Variants in NEURL1B observed in about 807,000 individuals in gnomAD.
NEURL1B encodes the protein neuralized E3 ubiquitin protein ligase 1B.
A neutral mutation model predicts 37.4 loss-of-function variants in NEURL1B; 13 were observed. The ratio of observed to expected loss-of-function variants is 0.35; its 90% CI spans 0.23 to 0.55. NEURL1B has a LOEUF of 0.55. Ranked by LOEUF, NEURL1B falls within the 20% of genes least tolerant of loss-of-function variation. The pLI is 0.89. For synonymous variants in NEURL1B, 432 were observed against 426.6 expected (o/e 1.01, Z -0.16); for missense variants, 790 against 879.2 (o/e 0.90, Z 1.28).
chr5:172,645,246 AGAGT>A (rs1177452532), intron 1 of NEURL1B, among the ~76,000 whole-genome samples: 2 of 152,206 alleles, frequency 1.3e-5, no homozygotes, highest in Non-Finnish European at 2.9e-5. Flanking sequence ...TCAAGGACAC[AGAGT>A]AAGGGGAGAA....
At position 172,670,657 on chromosome 5, in the gene NEURL1B, A is replaced by G. The variant is rs147579024; in HGVS notation, c.577+327A>G. On this transcript the variant is annotated intron_variant, in intron 2 of 4. Coordinates refer to ENST00000369800, the MANE Select transcript of NEURL1B (RefSeq NM_001142651.3). ...AGTTTATTTGCTCATTCATTCATTC[A>G]TTCATTCGCTCACTCATTCCTTCAC... 1.7e-4 allele frequency among the ~76,000 whole-genome samples: 26 copies of G among 152,224 alleles called. No homozygotes were observed. In the East Asian group the frequency reaches 4.4e-3, roughly 26 times the overall value.
At chr5:172,671,565 T>C (rs955827961) in intron 2 of NEURL1B, among the ~76,000 whole-genome samples, 3 of 152,254 alleles carry the variant, frequency 2.0e-5, no homozygotes, top group Non-Finnish European at 2.9e-5. Flanking sequence ...TATTTATCCA[T>C]TGGTATCTGG....
intron 1 of NEURL1B, among the ~76,000 whole-genome samples, chr5:172,662,825 C>T (rs1057169142): frequency 5.3e-5 from 8 of 151,878 alleles, no homozygotes; most frequent in Non-Finnish European, 7.4e-5. Context: ...CATCACCCAC[C>T]CTCCAAATCT....
Position 172,688,345 on chromosome 5 carries a change from C to T in NEURL1B, c.*1420C>T, listed in dbSNP as rs145956743. 2.6e-5 allele frequency: 4 copies of T among 152,850 alleles called. No individual in the cohort carries two copies. The highest frequency in any genetic ancestry group is 5.9e-5 in the Non-Finnish European group (4 of 68,092). 9.5% of individuals were successfully genotyped at this position (152,850 alleles called of 1,614,324 possible). On this transcript the variant is annotated 3_prime_UTR_variant, in exon 5 of 5. Coordinates refer to ENST00000369800, the MANE Select transcript of NEURL1B (RefSeq NM_001142651.3). The surrounding 1 kb of genome is among the most constrained non-coding windows in gnomAD (Gnocchi z 4.3). ...GGAGTTCTTGGGAGGACCAGTACAA[C>T]GTTCTAAAAAGCCTGAGACGCCTTA...
At position 172,683,799 on chromosome 5, in the gene NEURL1B, G is replaced by C. The variant is rs1291167635; in HGVS notation, c.958G>C (p.Gly320Arg). 18 of 1,304,012 alleles carry C rather than the reference G, an allele frequency of 1.4e-5. No individual in the cohort carries two copies. Among genetic ancestry groups the C allele is most frequent in the Non-Finnish European group, 1.7e-5 (17 of 1,023,212 alleles). 80.8% of individuals were successfully genotyped at this position (1,304,012 alleles called of 1,614,324 possible). A position where few individuals can be genotyped will look rare whatever the true frequency, so the allele number is the denominator to read the frequency against. ...LVFSERPLRPGESLFVEVGRP... is the reference protein window; with the variant it reads ...LVFSERPLRPRESLFVEVGRP... ...CTTCTCCGAGCGCCCGCTGCGGCCC[G>C]GCGAGAGCCTCTTCGTGGAGGTGGG... Residue 320 changes from glycine to arginine, a missense_variant, in exon 3 of 5, where the codon GGC becomes CGC. Gly to Arg is a moderately radical substitution (Grantham distance 125, BLOSUM62 -2). Coordinates refer to ENST00000369800, the MANE Select transcript of NEURL1B (RefSeq NM_001142651.3). This position sits in a 1 kb window ranked among gnomAD's most constrained non-coding sequence, Gnocchi z 5.6.
intron 1 of NEURL1B, among the ~76,000 whole-genome samples, chr5:172,659,942 C>A (rs747362399): frequency 2.4e-4 from 36 of 152,238 alleles, no homozygotes; most frequent in Non-Finnish European, 3.1e-4. Flanking sequence ...TCCCTGGCCA[C>A]CACCCTGTGC....
chr5:172,676,462 G>A lies in NEURL1B; in HGVS notation c.577+6132G>A, dbSNP rs867145341. 1.2e-4 allele frequency among the ~76,000 whole-genome samples: 19 copies of A among 152,208 alleles called. No homozygotes were observed. The highest frequency in any genetic ancestry group is 4.3e-4 in the African/African-American group (18 of 41,450). ...ATGTAGCCTCATGGATCTGGCCTGG[G>A]TCACATGCCTATCCTTGAACCCATC... On this transcript the variant is annotated intron_variant, in intron 2 of 4. Coordinates refer to ENST00000369800, the MANE Select transcript of NEURL1B (RefSeq NM_001142651.3). This position sits in a 1 kb window ranked among gnomAD's most constrained non-coding sequence, Gnocchi z 4.5.
intron 1 of NEURL1B, among the ~76,000 whole-genome samples, chr5:172,659,174 C>T (rs184035101): frequency 1.6e-3 from 236 of 152,210 alleles, no homozygotes; most frequent in African/African-American, 4.9e-3. Flanking sequence ...ACCTTGGGAC[C>T]AGCAAACATT....
chr5:172,680,326 T>A (rs1232984314), intron 2 of NEURL1B, among the ~76,000 whole-genome samples: 2 of 151,990 alleles, frequency 1.3e-5, no homozygotes, highest in African/African-American at 2.4e-5. Context: ...TGAATCTAAG[T>A]CCGCCTGTCT....
rs1325070485 is a variant in NEURL1B at position 172,676,504 on chromosome 5, T to C, written c.577+6174T>C. ...GAACCCATCTCCATGGCCAGGGGCA[T>C]AGGATGAAGTGATTGGCCAGGTTAA... On this transcript the variant is annotated intron_variant, in intron 2 of 4. Transcript: ENST00000369800. The surrounding 1 kb of genome is among the most constrained non-coding windows in gnomAD (Gnocchi z 4.5). 6.6e-6 allele frequency among the ~76,000 whole-genome samples: 1 copy of C among 152,166 alleles called. No individual in the cohort carries two copies. Among genetic ancestry groups the C allele is most frequent in the Non-Finnish European group, 1.5e-5 (1 of 68,034 alleles).
intron 1 of NEURL1B, among the ~76,000 whole-genome samples, chr5:172,658,998 C>T (rs1757844142): frequency 1.3e-5 from 2 of 150,172 alleles, no homozygotes; most frequent in Non-Finnish European, 3.0e-5. Context: ...GAGCTCAAAA[C>T]AAGCTGATTG....
chr5:172,648,637 G>A (rs1034604243), intron 1 of NEURL1B, among the ~76,000 whole-genome samples: 1 of 152,232 alleles, frequency 6.6e-6, no homozygotes, highest in African/African-American at 2.4e-5. Flanking sequence ...GGGTCAGGGT[G>A]GAGGGTTCCC....
chr5:172,656,348 A>AT (rs139451706), intron 1 of NEURL1B, among the ~76,000 whole-genome samples: 2,157 of 152,222 alleles, frequency 0.014, 47 homozygotes, highest in African/African-American at 0.049. Context: ...AGTTAAGTTT[A>AT]TTTTTTATTT....
intron 2 of NEURL1B, among the ~76,000 whole-genome samples, 161 bp downstream of exon 2, chr5:172,670,491 C>A (rs1364548481): frequency 6.6e-6 from 1 of 152,248 alleles, no homozygotes; most frequent in Non-Finnish European, 1.5e-5. Flanking sequence ...TCACAACAAC[C>A]TACCCTCCGG....
Position 172,683,406 on chromosome 5 carries a change from T to C in NEURL1B, c.578-13T>C. On this transcript the variant is annotated splice_polypyrimidine_tract_variant and intron_variant, in intron 2 of 4. Transcript: ENST00000369800. The surrounding 1 kb of genome is among the most constrained non-coding windows in gnomAD (Gnocchi z 5.6). The stretch of plus-strand genomic sequence containing the variant: ...GCCTCTCCCCCTCCATGTCCCTCCC[T>C]TTGTCCGCACAGAGAGCGCCTTCGC... 2 of 1,325,710 alleles carry C rather than the reference T, an allele frequency of 1.5e-6. No individual in the cohort carries two copies. Among genetic ancestry groups the C allele is most frequent in the Non-Finnish European group, 1.9e-6 (2 of 1,031,480 alleles). 82.1% of individuals were successfully genotyped at this position (1,325,710 alleles called of 1,614,324 possible).
Position 172,683,650 on chromosome 5 carries a change from C to T in NEURL1B, c.809C>T (p.Ala270Val). 8.0e-7 allele frequency: 1 copy of T among 1,254,438 alleles called. No individual in the cohort carries two copies. Among genetic ancestry groups the T allele is most frequent in the Non-Finnish European group, 1.0e-6 (1 of 991,600 alleles). The allele number at this position is 1,254,438 out of a possible 1,614,324, so 77.7% of individuals were successfully genotyped here. A position where few individuals can be genotyped will look rare whatever the true frequency, so the allele number is the denominator to read the frequency against. Residue 270 changes from alanine to valine, a missense_variant, in exon 3 of 5, where the codon GCG becomes GTG. Around this residue, in one of 3 missense-constraint regions of NEURL1B, gnomAD observed 460 missense variants for 407.4 expected, o/e 1.13. Coordinates refer to ENST00000369800, the MANE Select transcript of NEURL1B (RefSeq NM_001142651.3). The surrounding 1 kb of genome is among the most constrained non-coding windows in gnomAD (Gnocchi z 5.6). The stretch of plus-strand genomic sequence containing the variant: ...GGGCCCCGTGAGCGCCCGCGGCCCG[C>T]GTCGTCGCCGGCGCTACTGGAGGCC... ...PCGPRERPRP[A>V]SSPALLEADL...
In NEURL1B at chr5:172,684,044, T is replaced by A. The variant is rs1001445430; in HGVS notation, c.1203T>A (p.Arg401=). Residue 401 remains arginine, a synonymous_variant, in exon 3 of 5, where the codon CGT becomes CGA. Transcript: ENST00000369800. The part of the protein sequence containing the change: ...GGDVLLGING[R]PRGRLLCVDT... ...ACGTGCTCCTGGGCATCAACGGGCG[T>A]CCGCGCGGCCGCCTGCTGTGCGTCG... is the stretch of plus-strand genomic sequence containing the variant. 5 of 1,333,524 alleles carry A rather than the reference T, an allele frequency of 3.7e-6. No homozygotes were observed. The highest frequency in any genetic ancestry group is 3.8e-6 in the Non-Finnish European group (4 of 1,039,806). The allele number at this position is 1,333,524 out of a possible 1,614,324, so 82.6% of individuals were successfully genotyped here.
chr5:172,668,777 C>T (rs1480871589), intron 1 of NEURL1B, among the ~76,000 whole-genome samples: 3 of 152,152 alleles, frequency 2.0e-5, no homozygotes, highest in Non-Finnish European at 4.4e-5. Flanking sequence ...ATCCCAGAGC[C>T]CCCCAGGAAC....
rs1561638166 is a variant in NEURL1B, at chr5:172,641,277, C to G, written c.-130C>G. ...CCCTCCCGGCTCCCGCCCCAGCTGC[C>G]GCCCGCCGGCTCGCCCGTGCAGCTG... On this transcript the variant is annotated 5_prime_UTR_variant, in exon 1 of 5. Transcript: ENST00000369800. This position sits in a 1 kb window ranked among gnomAD's most constrained non-coding sequence, Gnocchi z 6.4. The G allele has an allele frequency of 1.2e-6, 1 of 834,798 alleles. No individual in the cohort carries two copies. Among genetic ancestry groups the G allele is most frequent in the Non-Finnish European group, 1.6e-6 (1 of 637,460 alleles). The allele number at this position is 834,798 out of a possible 1,614,324, so 51.7% of individuals were successfully genotyped here.
Sources: allele counts gnomAD v4.1 joint callset (sites outside exome capture counted in the v4.1 genomes callset), GRCh38; gene constraint gnomAD v4.1.1; regional missense constraint gnomAD v4.1.1; non-coding constraint Gnocchi (gnomAD v3.1); transcripts MANE v1.5; gene names NCBI Gene and HGNC (gene_info 2026-07-23, HGNC 2026-07-21).